Variants in POLB observed in about 807,000 individuals in gnomAD.
The protein encoded by POLB is DNA polymerase beta, also known as 5'-dRP lyase.
POLB carries 37 observed loss-of-function variants against 52.7 expected under a neutral mutation model. The observed-to-expected ratio is 0.70, with a 90% CI of 0.54 to 0.92. The LOEUF (loss-of-function observed/expected upper bound fraction) is 0.92. POLB is among the 40% of genes least tolerant of loss of function. The pLI is 0.00. For missense variants in POLB, 313 were observed against 400.8 expected (o/e 0.78, Z 1.87); for synonymous variants, 138 against 131.3 (o/e 1.05, Z -0.35).
intron 11 of POLB, among the ~76,000 whole-genome samples, chr8:42,363,989 C>T (rs1585913794): frequency 1.4e-5 from 2 of 139,774 alleles, no homozygotes; most frequent in South Asian, 2.2e-4. Context: ...TGCAGGAGGG[C>T]GATCTCGGCT....
At chr8:42,367,016 G>A (rs916871624) in intron 11 of POLB, among the ~76,000 whole-genome samples, 5 of 152,102 alleles carry the variant, frequency 3.3e-5, no homozygotes, top group Non-Finnish European at 5.9e-5. Flanking sequence ...GGTTAGATTG[G>A]GGAACAAAAG....
intron 5 of POLB, among the ~76,000 whole-genome samples, chr8:42,352,131 G>A (rs1823008203): frequency 6.6e-6 from 1 of 152,060 alleles, no homozygotes; most frequent in South Asian, 2.1e-4. Context: ...ATTTTTTCTT[G>A]TTTATGTAAC....
chr8:42,358,399 G>T (rs1335756034), intron 9 of POLB, among the ~76,000 whole-genome samples: 1 of 151,990 alleles, frequency 6.6e-6, no homozygotes, highest in Admixed American at 6.6e-5. Flanking sequence ...CTCCTCGGGC[G>T]GCTGAGGCAG....
At chr8:42,369,383 C>A in intron 12 of POLB, 48 bp downstream of exon 12, 1 of 1,070,414 alleles carries the variant, frequency 9.3e-7, no homozygotes, top group Non-Finnish European at 1.4e-6. Flanking sequence ...CCAAACTTGT[C>A]TCGTTTTCTC....
intron 2 of POLB, chr8:42,341,747 C>T: frequency 1.6e-5 from 6 of 377,182 alleles, no homozygotes; most frequent in South Asian, 2.8e-5. Flanking sequence ...CTGAAAAATC[C>T]TCGTAGAAAA....
In POLB at chr8:42,338,521, G is replaced by A; in HGVS notation, c.-104G>A. 2 of 1,007,410 alleles carry A rather than the reference G, an allele frequency of 2.0e-6. No individual in the cohort carries two copies. The highest frequency in any genetic ancestry group is 3.2e-6 in the Non-Finnish European group (2 of 633,038). The allele number at this position is 1,007,410 out of a possible 1,614,324, so 62.4% of individuals were successfully genotyped here. A position where few individuals can be genotyped will look rare whatever the true frequency, so the allele number is the denominator to read the frequency against. On this transcript the variant is annotated 5_prime_UTR_variant, in exon 1 of 14. Coordinates refer to ENST00000265421, the MANE Select transcript of POLB (RefSeq NM_002690.3). ...TGTTCCGCCGGTCGCGCCGGAGCTGGGTTGCTCCTGCTCCCGTCTCCAAGT... is the reference window on the plus strand; with the variant it reads ...TGTTCCGCCGGTCGCGCCGGAGCTGAGTTGCTCCTGCTCCCGTCTCCAAGT...
At chr8:42,344,586 G>A (rs1372105389) in intron 2 of POLB, among the ~76,000 whole-genome samples, 4 of 151,506 alleles carry the variant, frequency 2.6e-5, no homozygotes, top group Admixed American at 6.6e-5. Flanking sequence ...TGTAATCCCC[G>A]CACTTTGGGA....
intron 9 of POLB, chr8:42,358,017 G>A (rs748081931): frequency 6.6e-6 from 1 of 152,048 alleles, no homozygotes; most frequent in Non-Finnish European, 1.5e-5. Flanking sequence ...GAGCCACTGT[G>A]CCCAACTGCC....
intron 6 of POLB, among the ~76,000 whole-genome samples, chr8:42,353,528 A>G (rs762789614): frequency 1.3e-5 from 2 of 152,224 alleles, no homozygotes; most frequent in African/African-American, 2.4e-5. Flanking sequence ...TTTTGCTTTC[A>G]AAGAAAAGAT....
intron 6 of POLB, among the ~76,000 whole-genome samples, chr8:42,352,966 C>T (rs1823065957): frequency 6.6e-6 from 1 of 151,050 alleles, no homozygotes; most frequent in African/African-American, 2.4e-5. Context: ...CCCAGCTACT[C>T]AGGAGGCTGA....
At chr8:42,349,936 T>A in intron 4 of POLB, 71 bp from the exon 5 acceptor site, 1 of 1,026,338 alleles carries the variant, frequency 9.7e-7, no homozygotes, top group Non-Finnish European at 1.5e-6. Flanking sequence ...CAGACTGGTA[T>A]GTTTCCAATA....
chr8:42,367,084 G>C (rs1824086522), intron 11 of POLB, among the ~76,000 whole-genome samples: 1 of 152,066 alleles, frequency 6.6e-6, no homozygotes, highest in Admixed American at 6.6e-5. Flanking sequence ...AGGAGAGTGA[G>C]CACCCCCAGG....
At chr8:42,348,604 C>G (rs1163520080) in intron 3 of POLB, among the ~76,000 whole-genome samples, 1 of 151,998 alleles carries the variant, frequency 6.6e-6, no homozygotes, top group African/African-American at 2.4e-5. Context: ...TTAAGAAGTG[C>G]CCCCATGTGA....
At chr8:42,338,961 C>T (rs868739187) in intron 1 of POLB, 51 bp from the exon 2 acceptor site, 4 of 1,482,928 alleles carry the variant, frequency 2.7e-6, no homozygotes, top group Admixed American at 1.7e-5. Context: ...AAACAGTTCT[C>T]GTTTGTTTAC....
At chr8:42,369,358 G>A in intron 12 of POLB, 23 bp downstream of exon 12, 1 of 1,442,070 alleles carries the variant, frequency 6.9e-7, no homozygotes, top group South Asian at 1.2e-5. Context: ...CTTTGTTGCT[G>A]ACCTGTTAAC....
At chr8:42,338,753 C>T in intron 1 of POLB, 68 bp downstream of exon 1, 1 of 1,465,008 alleles carries the variant, frequency 6.8e-7, no homozygotes, top group Non-Finnish European at 9.6e-7. Flanking sequence ...CCTTCCTTCT[C>T]TCCCACACCG....
chr8:42,368,116 C>A (rs973880760), intron 11 of POLB, among the ~76,000 whole-genome samples: 1 of 152,110 alleles, frequency 6.6e-6, no homozygotes. Flanking sequence ...TAAAATTAGC[C>A]TTGAGGAAAG....
At position 42,339,177 on chromosome 8, in the gene POLB, C is replaced by T. The variant is rs183993549; in HGVS notation, c.119+108C>T. 1.0e-4 allele frequency: 87 copies of T among 857,564 alleles called. No individual in the cohort carries two copies. The African/African-American group carries it at 1.3e-3, about 13-fold the overall frequency. 53.1% of individuals were successfully genotyped at this position (857,564 alleles called of 1,614,324 possible). On this transcript the variant is annotated intron_variant, in intron 2 of 13. Transcript: ENST00000265421. ...TGGATATTTGGTCCATCTGCAAGAG[C>T]GGGAAAAAGCAAGAATCGAGGCTGG...
chr8:42,340,529 A>G (rs1261012067), intron 2 of POLB, among the ~76,000 whole-genome samples: 1 of 152,206 alleles, frequency 6.6e-6, no homozygotes, highest in African/African-American at 2.4e-5. Flanking sequence ...ATCTGAAACA[A>G]TGCTGGTCCC....
Sources: allele counts gnomAD v4.1 joint callset (sites outside exome capture counted in the v4.1 genomes callset), GRCh38; gene constraint gnomAD v4.1.1; transcripts MANE v1.5; gene names NCBI Gene and HGNC (gene_info 2026-07-23, HGNC 2026-07-21).